The following SLC26A11 variants were observed in gnomAD, a reference collection of about 807,000 sequenced individuals.
The protein encoded by SLC26A11 is sodium-independent sulfate anion transporter.
Under a neutral mutation model 62.2 loss-of-function variants are expected in SLC26A11, and 58 were observed. The observed-to-expected ratio is 0.93, with a 90% confidence interval of 0.76 to 1.16. SLC26A11 has a LOEUF of 1.16. SLC26A11 is among the 50% of genes most tolerant of loss of function. The pLI is 0.00. For synonymous variants in SLC26A11, 411 were observed against 368.9 expected (o/e 1.11, Z -1.31); for missense variants, 790 against 794.3 (o/e 0.99, Z 0.06).
chr17:80,237,563 C>G lies in SLC26A11; in HGVS notation c.954C>G (p.Leu318=), dbSNP rs779641459. ...TGGCCGTGGTGCCCCTGATGGGCCT[C>G]CTGGAGAGCATTGCGGTGGCCAAAG... ...AGLAVVPLMG[L]LESIAVAKAF... The change falls in exon 9 of 18, where the codon CTC becomes CTG. Residue 318 remains leucine (L), a synonymous_variant. Transcript: ENST00000361193. 1 of 1,612,330 alleles carries G rather than the reference C, an allele frequency of 6.2e-7. No homozygotes were observed. The highest frequency in any genetic ancestry group is 1.7e-5 in the Admixed American group (1 of 59,816).
chr17:80,251,387 C>T lies in SLC26A11; in HGVS notation c.1715C>T (p.Thr572Ile). The T allele has an allele frequency of 6.2e-7, 1 of 1,614,112 alleles. No individual in the cohort carries two copies. ...CTGAAGGGGTTCCAGTACTTCTCTA[C>T]CCTGGAAGAAGCAGGTGGGCACAGT... is the stretch of plus-strand genomic sequence containing the variant. ...ADLKGFQYFS[T>I]LEEAEKHLRQ... is the part of the protein sequence containing the mutation. Residue 572 changes from threonine (T) to isoleucine (I), a missense_variant, in exon 17 of 18, where the codon ACC becomes ATC. By Grantham distance (89) the Thr-to-Ile change is moderately conservative. Transcript: ENST00000361193.
chr17:80,245,645 C>T (rs984306970), intron 11 of SLC26A11, among the ~76,000 whole-genome samples: 7 of 152,186 alleles, frequency 4.6e-5, no homozygotes, highest in African/African-American at 1.4e-4. Flanking sequence ...GTTCCCAGCA[C>T]GCCAAAGCCC....
At chr17:80,241,676 T>G in intron 9 of SLC26A11, 95 bp from the exon 10 acceptor site, 1 of 1,253,136 alleles carries the variant, frequency 8.0e-7, no homozygotes, top group Non-Finnish European at 1.2e-6. Flanking sequence ...CTTATTGCCG[T>G]GTGTAGAAAT....
chr17:80,245,085 C>T (rs931023422), intron 10 of SLC26A11, 111 bp from the exon 11 acceptor site: 30 of 932,680 alleles, frequency 3.2e-5, no homozygotes, highest in Non-Finnish European at 4.6e-5. Context: ...ATGATTCTCC[C>T]GAGCCCTGCC....
intron 5 of SLC26A11, among the ~76,000 whole-genome samples, chr17:80,224,202 A>T (rs28672688): frequency 0.025 from 1,801 of 72,512 alleles, 16 homozygotes; most frequent in African/African-American, 0.045. Flanking sequence ...AGTGTGTGTG[A>T]GTGTGTGAAT....
In SLC26A11 at chr17:80,252,854, G is replaced by A; in HGVS notation, c.*138G>A. ...TGAGCAGGTAACCCAGGGAAGAGAA[G>A]GAAGCCAGGCCTGGAGGTCCACGGC... On this transcript the variant is annotated 3_prime_UTR_variant, in exon 18 of 18. Coordinates refer to ENST00000361193, the MANE Select transcript of SLC26A11 (RefSeq NM_001166347.2). The surrounding 1 kb of genome is among the most constrained non-coding windows in gnomAD (Gnocchi z 5.2). 1 of 719,518 alleles carries A rather than the reference G, an allele frequency of 1.4e-6. No homozygotes were observed. Among genetic ancestry groups the A allele is most frequent in the Non-Finnish European group, 2.2e-6 (1 of 446,414 alleles). The allele number at this position is 719,518 out of a possible 1,614,324, so 44.6% of individuals were successfully genotyped here.
At chr17:80,224,702 A>G (rs1053188077) in intron 5 of SLC26A11, among the ~76,000 whole-genome samples, 2 of 152,094 alleles carry the variant, frequency 1.3e-5, no homozygotes, top group African/African-American at 4.8e-5. Flanking sequence ...TTGGTTCTTT[A>G]ATCTGGAAAC....
chr17:80,242,946 A>T (rs2042903548), intron 10 of SLC26A11, among the ~76,000 whole-genome samples: 1 of 152,124 alleles, frequency 6.6e-6, no homozygotes, highest in Admixed American at 6.5e-5. Flanking sequence ...TGACCTCGTG[A>T]TCCGCCTGCC....
intron 5 of SLC26A11, among the ~76,000 whole-genome samples, chr17:80,224,210 A>T (rs889242826): frequency 9.2e-4 from 112 of 121,622 alleles, no homozygotes; most frequent in African/African-American, 3.3e-3. Flanking sequence ...TGAGTGTGTG[A>T]ATGAGTGAGT....
In SLC26A11 at chr17:80,246,302, C is replaced by T; in HGVS notation, c.1153+93C>T. ...CAGAGACGTCCCTTTGGCTCATGGG[C>T]CGTGCGCCCCGGGACTGCACAGGGA... is the stretch of plus-strand genomic sequence containing the variant. On this transcript the variant is annotated intron_variant, in intron 12 of 17. Coordinates refer to ENST00000361193, the MANE Select transcript of SLC26A11 (RefSeq NM_001166347.2). The surrounding 1 kb of genome is among the most constrained non-coding windows in gnomAD (Gnocchi z 4.4). 6.7e-7 allele frequency: 1 copy of T among 1,495,198 alleles called. No individual in the cohort carries two copies. The highest frequency in any genetic ancestry group is 1.4e-5 in the African/African-American group (1 of 72,362). 92.6% of individuals were successfully genotyped at this position (1,495,198 alleles called of 1,614,324 possible). A position where few individuals can be genotyped will look rare whatever the true frequency, so the allele number is the denominator to read the frequency against.
intron 7 of SLC26A11, 90 bp from the exon 8 acceptor site, chr17:80,236,838 G>A (rs560222749): frequency 7.1e-7 from 1 of 1,415,214 alleles, no homozygotes; most frequent in Non-Finnish European, 9.7e-7. Context: ...TCCTGCCTCT[G>A]GGATGTCTGC....
intron 5 of SLC26A11, chr17:80,225,535 T>G (rs1182314033): frequency 6.6e-6 from 2 of 305,016 alleles, no homozygotes; most frequent in African/African-American, 4.3e-5. Flanking sequence ...AGAACCTGTC[T>G]GCCTGCTGTG....
At chr17:80,245,089 C>T in intron 10 of SLC26A11, 107 bp from the exon 11 acceptor site, 1 of 978,108 alleles carries the variant, frequency 1.0e-6, no homozygotes, top group Non-Finnish European at 1.6e-6. Flanking sequence ...TTCTCCCGAG[C>T]CCTGCCTTCC....
rs574049849 is a variant in SLC26A11, at chr17:80,250,948, C to T, written c.1657-381C>T. ...TTGAGGCCAGGAGTTTGAGACCAGCCTGGGCAACATGACGAAACCCCATCA... is the reference window on the plus strand; with the variant it reads ...TTGAGGCCAGGAGTTTGAGACCAGCTTGGGCAACATGACGAAACCCCATCA... On this transcript the variant is annotated intron_variant, in intron 16 of 17. Transcript: ENST00000361193. 2.6e-5 allele frequency among the ~76,000 whole-genome samples: 4 copies of T among 151,896 alleles called. No homozygotes were observed. The South Asian group carries it at 8.3e-4, about 32-fold the overall frequency.
intron 16 of SLC26A11, 57 bp downstream of exon 16, chr17:80,249,344 C>A: frequency 6.3e-7 from 1 of 1,591,352 alleles, no homozygotes; most frequent in Non-Finnish European, 8.5e-7. Flanking sequence ...CCTTCCTGTG[C>A]CTGCCTCCCA....
chr17:80,237,661 C>T (rs1487341562), intron 9 of SLC26A11, 67 bp downstream of exon 9: 2 of 1,482,282 alleles, frequency 1.3e-6, no homozygotes, highest in African/African-American at 2.8e-5. Flanking sequence ...TGCCTGCTTT[C>T]TAGCTTGCCT....
intron 7 of SLC26A11, among the ~76,000 whole-genome samples, chr17:80,232,258 TA>T (rs928567318): frequency 1.3e-5 from 2 of 152,088 alleles, no homozygotes; most frequent in African/African-American, 4.8e-5. Flanking sequence ...CCCATCTTTT[TA>T]CTTTTTTTTT....
intron 7 of SLC26A11, among the ~76,000 whole-genome samples, chr17:80,229,406 A>G: frequency 6.6e-6 from 1 of 151,604 alleles, no homozygotes; most frequent in East Asian, 2.0e-4. Context: ...AATAGTGAAA[A>G]TGCTTTGTTA....
chr17:80,221,055 G>C lies in SLC26A11; in HGVS notation c.-74G>C, dbSNP rs531419559. The C allele has an allele frequency of 3.9e-5, 6 of 153,432 alleles. No homozygotes were observed. The highest frequency in any genetic ancestry group is 1.4e-4 in the African/African-American group (6 of 41,600). 9.5% of individuals were successfully genotyped at this position (153,432 alleles called of 1,614,324 possible). The stretch of plus-strand genomic sequence containing the variant: ...GTGGAGCCCGCCTTGGTGCGCAGTT[G>C]GAAAACCTCGGAGCCCCGCTGGATC... On this transcript the variant is annotated 5_prime_UTR_variant, in exon 2 of 18. Coordinates refer to ENST00000361193, the MANE Select transcript of SLC26A11 (RefSeq NM_001166347.2).
Sources: gnomAD v4.1 joint callset for allele counts (sites outside exome capture counted in the v4.1 genomes callset) on GRCh38, gnomAD v4.1.1 for gene constraint, Gnocchi (gnomAD v3.1) non-coding constraint, MANE v1.5 for transcripts, NCBI Gene and HGNC (gene_info 2026-07-23, HGNC 2026-07-21) for gene names.